Variants in FNDC3B observed in about 807,000 individuals in gnomAD.
FNDC3B encodes fibronectin type III domain containing 3B.
A neutral mutation model predicts 151.5 loss-of-function variants in FNDC3B; 12 were observed. The ratio of observed to expected loss-of-function variants is 0.08; its 90% CI spans 0.05 to 0.13. The LOEUF (loss-of-function observed/expected upper bound fraction) is 0.13, where lower values mean the gene tolerates loss of function less well. FNDC3B is among the 10% of genes least tolerant of loss of function. The probability of loss-of-function intolerance (pLI) is 1.00; values close to 1 mark genes in which losing one functional copy is unlikely to be tolerated. For synonymous variants in FNDC3B, 528 were observed against 549.0 expected, an observed-to-expected ratio of 0.96 and a Z score of 0.54; for missense variants, 1,214 against 1,505.3, an observed-to-expected ratio of 0.81 and a Z score of 3.20.
At position 172,337,341 on chromosome 3, in the gene FNDC3B, G is replaced by A. The variant is rs756041159; in HGVS notation, c.1792G>A (p.Asp598Asn). Residue 598 changes from aspartate (D) to asparagine (N), a missense_variant, in exon 16 of 26, where the codon GAC becomes AAC. This residue lies in a region of FNDC3B where 380 missense variants were observed against 420.9 expected (regional missense o/e 0.90). Coordinates refer to ENST00000415807, the MANE Select transcript of FNDC3B (RefSeq NM_022763.4). ...TGGTTATTTTCCAGATCCCCCTAAG[G>A]ACAATGGTGGTTCAGAAATCCTCAA... ...GFSVKWDPPKDNGGSEILKYL... is the reference protein window; with the variant it reads ...GFSVKWDPPKNNGGSEILKYL... 6 of 1,609,858 alleles carry A rather than the reference G, an allele frequency of 3.7e-6. No individual in the cohort carries two copies. The highest frequency in any genetic ancestry group is 2.7e-5 in the African/African-American group (2 of 74,906).
rs1726944892 is a variant in FNDC3B, at chr3:172,232,561, G to A, written c.264+5614G>A. Among the ~76,000 whole-genome samples, 3 of 152,160 alleles carry A rather than the reference G, an allele frequency of 2.0e-5. No homozygotes were observed. The South Asian group carries it at 6.2e-4, about 31-fold the overall frequency. On this transcript the variant is annotated intron_variant, in intron 4 of 25. Coordinates refer to ENST00000415807, the MANE Select transcript of FNDC3B (RefSeq NM_022763.4). Reference sequence around the variant, plus strand: ...GGTTTCTCTGATATAGTAGGTTGGGGGATGTGGTGTGTTTTGTGCCTTATT... The same window carrying A: ...GGTTTCTCTGATATAGTAGGTTGGGAGATGTGGTGTGTTTTGTGCCTTATT...
chr3:172,208,534 G>A (rs754794948), intron 3 of FNDC3B, among the ~76,000 whole-genome samples: 1 of 152,134 alleles, frequency 6.6e-6, no homozygotes, highest in Non-Finnish European at 1.5e-5. Flanking sequence ...CTATATAATC[G>A]TTGTACATAT....
intron 23 of FNDC3B, among the ~76,000 whole-genome samples, chr3:172,375,206 A>G (rs1253634773): frequency 6.6e-6 from 1 of 152,206 alleles, no homozygotes; most frequent in Non-Finnish European, 1.5e-5. Context: ...GCTCTTGGTC[A>G]CACTTCAGAG....
chr3:172,056,405 G>A (rs1471020144), intron 1 of FNDC3B, among the ~76,000 whole-genome samples: 1 of 152,144 alleles, frequency 6.6e-6, no homozygotes, highest in East Asian at 1.9e-4. Context: ...TGCTTCTTGG[G>A]TATTCTTGAG....
intron 3 of FNDC3B, among the ~76,000 whole-genome samples, chr3:172,199,136 A>G (rs1482997986): frequency 6.9e-6 from 1 of 145,190 alleles, no homozygotes; most frequent in Non-Finnish European, 1.5e-5. Flanking sequence ...GCCCATTTTC[A>G]TTTTTAATAT....
chr3:172,085,746 A>G (rs1247836624), intron 1 of FNDC3B, among the ~76,000 whole-genome samples: 4 of 152,194 alleles, frequency 2.6e-5, no homozygotes, highest in Admixed American at 6.5e-5. Flanking sequence ...AGAGATAGCA[A>G]TTCAAAGGAA....
At chr3:172,397,067 TA>T in intron 25 of FNDC3B, 96 bp from the exon 26 acceptor site, 1 of 928,058 alleles carries the variant, frequency 1.1e-6, no homozygotes, top group Non-Finnish European at 1.6e-6. Context: ...AATGTGAATA[TA>T]AACCAAGAGT....
chr3:172,314,333 G>A (rs369848912), intron 11 of FNDC3B, among the ~76,000 whole-genome samples: 3 of 152,162 alleles, frequency 2.0e-5, no homozygotes, highest in African/African-American at 7.2e-5. Flanking sequence ...AGTTTTTGAG[G>A]TGCACAGAGA....
At chr3:172,203,612 T>A (rs921585628) in intron 3 of FNDC3B, among the ~76,000 whole-genome samples, 6 of 152,240 alleles carry the variant, frequency 3.9e-5, no homozygotes, top group South Asian at 2.1e-4. Context: ...ATCTTTTCGC[T>A]GATTTTCTTT....
chr3:172,330,366 G>T, intron 12 of FNDC3B, 175 bp from the exon 13 acceptor site: 1 of 523,078 alleles, frequency 1.9e-6, no homozygotes, highest in Non-Finnish European at 3.4e-6. Flanking sequence ...TGGGGTGGGG[G>T]GATGGGGAAG....
chr3:172,281,926 A>G (rs11715449), intron 6 of FNDC3B, among the ~76,000 whole-genome samples: 14,773 of 152,234 alleles, frequency 0.097, 786 homozygotes, highest in African/African-American at 0.14. Flanking sequence ...AACAAAAAAA[A>G]AGAAAACATG....
At chr3:172,178,444 A>G (rs1192070575) in intron 3 of FNDC3B, among the ~76,000 whole-genome samples, 2 of 151,682 alleles carry the variant, frequency 1.3e-5, no homozygotes, top group Admixed American at 1.3e-4. Context: ...AGAGAAGATC[A>G]CATGTTTTAC....
intron 8 of FNDC3B, 129 bp from the exon 9 acceptor site, chr3:172,298,597 TTC>T (rs1188233797): frequency 1.4e-4 from 71 of 518,880 alleles, no homozygotes; most frequent in Admixed American, 5.0e-4. Flanking sequence ...GAAAGTTTAT[TTC>T]TGGTTTATGG....
At chr3:172,393,801 A>G (rs975716333) in intron 25 of FNDC3B, among the ~76,000 whole-genome samples, 1 of 152,038 alleles carries the variant, frequency 6.6e-6, no homozygotes, top group Non-Finnish European at 1.5e-5. Context: ...AAATGGAAAC[A>G]CAACTTATTA....
intron 25 of FNDC3B, among the ~76,000 whole-genome samples, chr3:172,395,310 C>CT (rs1736218969): frequency 6.6e-6 from 1 of 152,104 alleles, no homozygotes; most frequent in Non-Finnish European, 1.5e-5. Flanking sequence ...ATCATTTCCT[C>CT]TTAAGTTTTT....
At chr3:172,149,806 G>GTTTTTTTTTTTTGTTTTGGTTT (rs1722115733) in intron 3 of FNDC3B, among the ~76,000 whole-genome samples, 1 of 52,458 alleles carries the variant, frequency 1.9e-5, no homozygotes, top group Non-Finnish European at 3.2e-5. Flanking sequence ...TATGTTGGGT[G>GTTTTTTTTTTTTGTTTTGGTTT]TTTTTTTTTT....
At chr3:172,046,301 A>C (rs1474803588) in intron 1 of FNDC3B, among the ~76,000 whole-genome samples, 3 of 152,060 alleles carry the variant, frequency 2.0e-5, no homozygotes, top group African/African-American at 7.2e-5. Context: ...CTCACTACTC[A>C]GTGTCAGTTT....
Position 172,154,538 on chromosome 3 carries a change from T to C in FNDC3B, c.187+20992T>C, listed in dbSNP as rs970453463. Among the ~76,000 whole-genome samples, 11 of 152,188 alleles carry C rather than the reference T, an allele frequency of 7.2e-5. No homozygotes were observed. In the East Asian group the frequency reaches 1.2e-3, roughly 16 times the overall value. ...TCTTCTAAGAAGTGATCGTAGAACT[T>C]TGTCTTCAGTTACTCCCACCTGAAA... On this transcript the variant is annotated intron_variant, in intron 3 of 25. Transcript: ENST00000415807.
At chr3:172,061,964 T>C (rs1717222940) in intron 1 of FNDC3B, among the ~76,000 whole-genome samples, 1 of 152,192 alleles carries the variant, frequency 6.6e-6, no homozygotes, top group South Asian at 2.1e-4. Context: ...GGGACACTTA[T>C]CAAAAACCAT....
Sources: allele counts gnomAD v4.1 joint callset (sites outside exome capture counted in the v4.1 genomes callset), GRCh38; gene constraint gnomAD v4.1.1; regional missense constraint gnomAD v4.1.1; transcripts MANE v1.5; gene names NCBI Gene and HGNC (gene_info 2026-07-23, HGNC 2026-07-21).